The following GPR89A variants were observed in gnomAD, a reference collection of about 807,000 sequenced individuals.
GPR89A encodes the protein G protein-coupled receptor 89A.
In GPR89A, 16 loss-of-function variants were observed where a neutral mutation model predicts 52.0. That is an observed-to-expected ratio of 0.31 (90% CI 0.21 to 0.47). GPR89A has a LOEUF of 0.47. Among genes scored for constraint, GPR89A ranks in the 20% least tolerant of loss-of-function variants. The probability of loss-of-function intolerance (pLI) is 1.00; values close to 1 mark genes in which losing one functional copy is unlikely to be tolerated. For synonymous variants in GPR89A, 55 were observed against 150.9 expected (o/e 0.36, Z 4.66); for missense variants, 135 against 449.4 (o/e 0.30, Z 6.33).
chr1:145,612,755 CCTTA>C (rs1265971335), intron 1 of GPR89A, among the ~76,000 whole-genome samples: 2 of 152,142 alleles, frequency 1.3e-5, no homozygotes, highest in African/African-American at 4.8e-5. Context: ...ATCTTTTTCT[CCTTA>C]CTTGACTGCT....
chr1:145,646,744 A>G, intron 9 of GPR89A: 1 of 222,890 alleles, frequency 4.5e-6, no homozygotes, highest in Non-Finnish European at 8.8e-6. Flanking sequence ...AAAATCTGTT[A>G]GTGAAGATTA....
chr1:145,647,967 A>G (rs1479739685), intron 10 of GPR89A, among the ~76,000 whole-genome samples: 1 of 140,760 alleles, frequency 7.1e-6, no homozygotes, highest in East Asian at 2.0e-4. Flanking sequence ...ATGAGTACAT[A>G]ACTGTATATA....
chr1:145,649,632 AGAC>A (rs1347833692), intron 10 of GPR89A, among the ~76,000 whole-genome samples: 3 of 152,154 alleles, frequency 2.0e-5, no homozygotes, highest in Admixed American at 1.3e-4. Context: ...TTTTGTGTAT[AGAC>A]GTGTGCTGTC....
At chr1:145,634,869 A>C (rs1553690472) in intron 7 of GPR89A, among the ~76,000 whole-genome samples, 1 of 152,130 alleles carries the variant, frequency 6.6e-6, no homozygotes, top group African/African-American at 2.4e-5. Flanking sequence ...ATAATTTTAG[A>C]AAACCTAGTT....
chr1:145,635,541 A>T (rs782044836), intron 7 of GPR89A, among the ~76,000 whole-genome samples: 17 of 152,378 alleles, frequency 1.1e-4, no homozygotes, highest in Middle Eastern at 3.4e-3. Flanking sequence ...TGTTTATTTT[A>T]CATGAGTGTA....
rs1324969698 is a variant in GPR89A, at chr1:145,616,618, G to A, written c.102+325G>A. Reference sequence around the variant, plus strand: ...ATGTTCCCTTTCATTTGTCTATCTGGCCCTGAATTGCAAACCTTATATTAT... The same window carrying A: ...ATGTTCCCTTTCATTTGTCTATCTGACCCTGAATTGCAAACCTTATATTAT... On this transcript the variant is annotated intron_variant, in intron 2 of 13. Coordinates refer to ENST00000313835, the MANE Select transcript of GPR89A (RefSeq NM_001097612.2). Among the ~76,000 whole-genome samples, 7 of 152,220 alleles carry A rather than the reference G, an allele frequency of 4.6e-5. No homozygotes were observed. The East Asian group carries it at 1.3e-3, about 29-fold the overall frequency.
At chr1:145,619,675 TG>T (rs1553687722) in intron 3 of GPR89A, among the ~76,000 whole-genome samples, 1 of 152,080 alleles carries the variant, frequency 6.6e-6, no homozygotes, top group Non-Finnish European at 1.5e-5. Context: ...ACATGTATTA[TG>T]GTAAAATAGA....
rs1571483076 is a variant in GPR89A at position 145,625,245 on chromosome 1, C to T, written c.415+1531C>T. 1.3e-5 allele frequency among the ~76,000 whole-genome samples: 2 copies of T among 150,878 alleles called. 1 individual carries two copies. Among genetic ancestry groups the T allele is most frequent in the South Asian group, 4.2e-4 (2 of 4,742 alleles). On this transcript the variant is annotated intron_variant, in intron 5 of 13. Transcript: ENST00000313835. ...TAACATAACACCAGCCTGCCAAAAG[C>T]ATTCAAACTCTTAGGTGGCGTATGA...
At chr1:145,649,298 C>T (rs587637283) in intron 10 of GPR89A, among the ~76,000 whole-genome samples, 1 of 152,194 alleles carries the variant, frequency 6.6e-6, no homozygotes, top group Admixed American at 6.5e-5. Flanking sequence ...TGTAATGCCT[C>T]TCTCCCACAC....
intron 1 of GPR89A, among the ~76,000 whole-genome samples, chr1:145,614,168 T>G (rs1197752301): frequency 3.4e-4 from 51 of 152,098 alleles, no homozygotes; most frequent in Non-Finnish European, 2.6e-4. Context: ...TTGAAACCAC[T>G]CTAGAAAAAT....
chr1:145,667,610 CA>C (rs1329188606), intron 12 of GPR89A, among the ~76,000 whole-genome samples: 3 of 152,172 alleles, frequency 2.0e-5, no homozygotes, highest in Admixed American at 6.5e-5. Context: ...CTTTTGTTGC[CA>C]TTGCTTTCGG....
At chr1:145,647,879 CTATATATA>C (rs782172827) in intron 10 of GPR89A, among the ~76,000 whole-genome samples, 3,536 of 24,542 alleles carry the variant, frequency 0.14, 288 homozygotes, top group Non-Finnish European at 0.17. Context: ...CTCTCTCTCT[CTATATATA>C]TATATATATA....
intron 5 of GPR89A, among the ~76,000 whole-genome samples, chr1:145,627,431 G>C (rs1277137533): frequency 6.6e-6 from 1 of 151,310 alleles, no homozygotes; most frequent in African/African-American, 2.4e-5. Context: ...GTGCCAAGCA[G>C]TAAGGAAAAC....
At chr1:145,661,404 T>A (rs1457057472) in intron 10 of GPR89A, among the ~76,000 whole-genome samples, 7 of 151,528 alleles carry the variant, frequency 4.6e-5, no homozygotes, top group South Asian at 2.1e-4. Flanking sequence ...CATGTATACA[T>A]ATGTAACTAA....
chr1:145,647,808 T>C (rs1651113083), intron 10 of GPR89A, among the ~76,000 whole-genome samples: 1 of 492 alleles, frequency 2.0e-3, no homozygotes, highest in Non-Finnish European at 0.029. Context: ...CATCTCTCTC[T>C]CTCTCTTCGT....
intron 5 of GPR89A, among the ~76,000 whole-genome samples, chr1:145,628,454 A>T (rs1368908412): frequency 2.0e-5 from 3 of 151,918 alleles, no homozygotes; most frequent in African/African-American, 7.3e-5. Flanking sequence ...CCAGGGGAAA[A>T]CTTATTACCA....
intron 10 of GPR89A, among the ~76,000 whole-genome samples, chr1:145,655,802 G>A (rs587611778): frequency 1.3e-5 from 2 of 152,232 alleles, no homozygotes; most frequent in East Asian, 3.9e-4. Flanking sequence ...CACTCTGACT[G>A]CCCCTTGGCA....
chr1:145,620,911 A>G (rs1220898669), intron 3 of GPR89A, among the ~76,000 whole-genome samples: 3 of 152,200 alleles, frequency 2.0e-5, no homozygotes, highest in African/African-American at 7.2e-5. Context: ...TTAAAGTTGC[A>G]CTTGTTATTT....
chr1:145,646,667 T>C (rs1559041095), intron 9 of GPR89A: 1 of 237,386 alleles, frequency 4.2e-6, no homozygotes, highest in Non-Finnish European at 8.1e-6. Flanking sequence ...TCCAGGTCAA[T>C]AAGTGTCGAA....
Sources: gnomAD v4.1 joint callset for allele counts (sites outside exome capture counted in the v4.1 genomes callset) on GRCh38, gnomAD v4.1.1 for gene constraint, MANE v1.5 for transcripts, NCBI Gene and HGNC (gene_info 2026-07-23, HGNC 2026-07-21) for gene names.